The following UGT2A2 variants were observed in gnomAD, a reference collection of about 807,000 sequenced individuals.
The protein encoded by UGT2A2 is UDP-glucuronosyltransferase 2A2.
In UGT2A2, 60 loss-of-function variants were observed where a neutral mutation model predicts 50.7. The observed-to-expected ratio is 1.18, with a 90% CI of 0.96 to 1.47. The LOEUF (loss-of-function observed/expected upper bound fraction) is 1.47. UGT2A2 is among the 40% of genes most tolerant of loss of function. The probability of loss-of-function intolerance (pLI) is 0.00; values close to 1 mark genes in which losing one functional copy is unlikely to be tolerated. For missense variants in UGT2A2, 762 were observed against 634.0 expected (o/e 1.20, Z -2.17); for synonymous variants, 242 against 214.6 (o/e 1.13, Z -1.11).
intron 1 of UGT2A2, among the ~76,000 whole-genome samples, chr4:69,613,158 T>A (rs1720170448): frequency 6.6e-6 from 1 of 151,726 alleles, no homozygotes; most frequent in Non-Finnish European, 1.5e-5. Context: ...CAGAGAAATG[T>A]GAATCAAAAT....
At chr4:69,602,947 A>G (rs1009362301) in intron 1 of UGT2A2, among the ~76,000 whole-genome samples, 3 of 135,648 alleles carry the variant, frequency 2.2e-5, no homozygotes, top group Non-Finnish European at 4.7e-5. Flanking sequence ...AGGTGCCTGT[A>G]ATCCCAGATA....
In UGT2A2 at chr4:69,613,080, T is replaced by C. The variant is rs577492713; in HGVS notation, c.743-13686A>G. On this transcript the variant is annotated intron_variant, in intron 1 of 5. Transcript: ENST00000604629. ...AAAAAAGACAGGCAAAAGACATGAA[T>C]AGACACTTCACAAAAGAAGACATAC... 7.9e-5 allele frequency among the ~76,000 whole-genome samples: 12 copies of C among 151,736 alleles called. No homozygotes were observed. In the South Asian group the frequency reaches 2.1e-3, roughly 26 times the overall value.
chr4:69,639,098 C>A lies in UGT2A2; in HGVS notation c.543G>T (p.Arg181Ser). The A allele has an allele frequency of 6.2e-7, 1 of 1,613,386 alleles. No individual in the cohort carries two copies. Among genetic ancestry groups the A allele is most frequent in the Non-Finnish European group, 8.5e-7 (1 of 1,179,668 alleles). ...KLGIPFMYTL[R>S]FSPASTVERH... Reference sequence around the variant, plus strand: ...TCTCCACTGTTGATGCTGGAGAGAACCTCAATGTGTACATAAATGGAATTC... The same window carrying A: ...TCTCCACTGTTGATGCTGGAGAGAAACTCAATGTGTACATAAATGGAATTC... Residue 181 changes from arginine (R) to serine (S), a missense_variant, in exon 1 of 6, where the codon AGG (arginine) becomes AGT (serine). Arg to Ser is a moderately radical substitution (Grantham distance 110). Coordinates refer to ENST00000604629, the MANE Select transcript of UGT2A2 (RefSeq NM_001105677.2).
At position 69,606,200 on chromosome 4, in the gene UGT2A2, C is replaced by T. The variant is rs971501090; in HGVS notation, c.743-6806G>A. ...TAAAATACTGGCAAACCAAATCCAG[C>T]GGCACATCAAAAAGCTTACCCACCA... On this transcript the variant is annotated intron_variant, in intron 1 of 5. Coordinates refer to ENST00000604629, the MANE Select transcript of UGT2A2 (RefSeq NM_001105677.2). Among the ~76,000 whole-genome samples, 9 of 136,104 alleles carry T rather than the reference C, an allele frequency of 6.6e-5. 1 individual carries two copies. The highest frequency in any genetic ancestry group is 2.4e-4 in the South Asian group (1 of 4,104). The allele number at this position is 136,104 out of a possible 152,430, so 89.3% of individuals were successfully genotyped here.
Position 69,595,218 on chromosome 4 carries a change from G to A in UGT2A2, c.1055C>T (p.Ala352Val). The change falls in exon 4 of 6, where the codon GCC becomes GTC. Residue 352 changes from alanine to valine, a missense_variant. Coordinates refer to ENST00000604629, the MANE Select transcript of UGT2A2 (RefSeq NM_001105677.2). The stretch of plus-strand genomic sequence containing the variant: ...GAGCTGAGTATTGTTTCCTAATGTG[G>A]CTGGTTTCTTTCCTTTGTATCTCCA... ...VLWRYKGKKP[A>V]TLGNNTQLFD... 6.2e-7 allele frequency: 1 copy of A among 1,613,742 alleles called. No individual in the cohort carries two copies. Among genetic ancestry groups the A allele is most frequent in the Non-Finnish European group, 8.5e-7 (1 of 1,179,844 alleles).
chr4:69,636,823 A>T (rs914114408), intron 1 of UGT2A2, among the ~76,000 whole-genome samples: 2 of 152,120 alleles, frequency 1.3e-5, no homozygotes, highest in East Asian at 3.8e-4. Context: ...GATCCTCCTA[A>T]CGAATATAGT....
At position 69,589,535 on chromosome 4, in the gene UGT2A2, A is replaced by G. The variant is rs141510881; in HGVS notation, c.1448T>C (p.Leu483Pro). The change falls in exon 6 of 6, where the codon CTT becomes CCT. Residue 483 changes from leucine to proline, a missense_variant. Physicochemically the swap from Leu to Pro is moderately conservative, Grantham distance 98 (BLOSUM62 -3). Coordinates refer to ENST00000604629, the MANE Select transcript of UGT2A2 (RefSeq NM_001105677.2). The part of the protein sequence containing the change: ...FVMRHKGAKH[L>P]RVAAHDLTWF... ...GGTGAGGTCATGGGCTGCAACCCGA[A>G]GGTGCTTGGCTCCTTTGTGGCGCAT... The G allele has an allele frequency of 3.5e-5, 56 of 1,614,112 alleles. No homozygotes were observed. The African/African-American group carries it at 7.2e-4, about 21-fold the overall frequency.
At chr4:69,591,920 C>T (rs1718616019) in intron 5 of UGT2A2, among the ~76,000 whole-genome samples, 1 of 152,122 alleles carries the variant, frequency 6.6e-6, no homozygotes, top group South Asian at 2.1e-4. Context: ...TCCTAACCCA[C>T]CACTTAGCTC....
chr4:69,603,893 G>A (rs979494785), intron 1 of UGT2A2, among the ~76,000 whole-genome samples: 1 of 136,210 alleles, frequency 7.3e-6, no homozygotes, highest in South Asian at 2.4e-4. Context: ...AACGAACAAA[G>A]CCTCCAAGAA....
chr4:69,626,136 T>G (rs931514395), intron 1 of UGT2A2, among the ~76,000 whole-genome samples: 12 of 151,538 alleles, frequency 7.9e-5, no homozygotes, highest in Non-Finnish European at 3.0e-5. Flanking sequence ...GATTTTACCT[T>G]GTTGGATACT....
intron 1 of UGT2A2, among the ~76,000 whole-genome samples, chr4:69,611,298 C>CTTTTTTTTTTTTTTTTTT (rs1287210111): frequency 3.5e-4 from 52 of 149,488 alleles, no homozygotes; most frequent in Middle Eastern, 3.5e-3. Flanking sequence ...TCCAGCTATT[C>CTTTTTTTTTTTTTTTTTT]TTAATGCTAT....
At chr4:69,634,608 T>G (rs575728898) in intron 1 of UGT2A2, among the ~76,000 whole-genome samples, 3 of 152,184 alleles carry the variant, frequency 2.0e-5, no homozygotes, top group African/African-American at 7.2e-5. Flanking sequence ...AAAAGTTGAT[T>G]TAACAACTGA....
chr4:69,593,691 T>C (rs917884357), intron 5 of UGT2A2, among the ~76,000 whole-genome samples: 4 of 151,770 alleles, frequency 2.6e-5, no homozygotes, highest in Middle Eastern at 3.3e-3. Flanking sequence ...CAAATCAATA[T>C]TTAAAAAATT....
chr4:69,589,683 C>T (rs760973572), intron 5 of UGT2A2, 32 bp from the exon 6 acceptor site: 2 of 1,564,464 alleles, frequency 1.3e-6, no homozygotes, highest in South Asian at 2.4e-5. Flanking sequence ...AGAAATTAGA[C>T]AATTTTTGTT....
chr4:69,629,671 A>G (rs1308302426), intron 1 of UGT2A2, among the ~76,000 whole-genome samples: 1 of 152,082 alleles, frequency 6.6e-6, no homozygotes, highest in African/African-American at 2.4e-5. Context: ...TAGGAATATT[A>G]AATAAATCCT....
At chr4:69,629,363 A>T (rs893714488) in intron 1 of UGT2A2, among the ~76,000 whole-genome samples, 1 of 152,092 alleles carries the variant, frequency 6.6e-6, no homozygotes. Context: ...TATATTCAAG[A>T]GGGGCTCATA....
Position 69,589,170 on chromosome 4 carries a change from A to G in UGT2A2, c.*202T>C. 1.7e-6 allele frequency: 1 copy of G among 587,618 alleles called. No individual in the cohort carries two copies. The highest frequency in any genetic ancestry group is 4.6e-5 in the South Asian group (1 of 21,746). The allele number at this position is 587,618 out of a possible 1,614,324, so 36.4% of individuals were successfully genotyped here. A position where few individuals can be genotyped will look rare whatever the true frequency, so the allele number is the denominator to read the frequency against. ...CAGGGAGAGACAAAGGAAAAATAGA[A>G]GACTATAACTCACAAGTTAATAATA... is the stretch of plus-strand genomic sequence containing the variant. On this transcript the variant is annotated 3_prime_UTR_variant, in exon 6 of 6. Transcript: ENST00000604629.
At chr4:69,595,611 C>G in intron 3 of UGT2A2, among the ~76,000 whole-genome samples, 1 of 151,792 alleles carries the variant, frequency 6.6e-6, no homozygotes, top group African/African-American at 2.4e-5. Flanking sequence ...TATAAAGAGT[C>G]CTAGGATGTG....
intron 1 of UGT2A2, among the ~76,000 whole-genome samples, chr4:69,606,487 G>T (rs1719626176): frequency 7.3e-6 from 1 of 136,228 alleles, no homozygotes; most frequent in Non-Finnish European, 1.6e-5. Context: ...ACAAAAACTG[G>T]AAGTATTCCC....
Sources: gnomAD v4.1 joint callset for allele counts (sites outside exome capture counted in the v4.1 genomes callset) on GRCh38, gnomAD v4.1.1 for gene constraint, MANE v1.5 for transcripts, NCBI Gene and HGNC (gene_info 2026-07-23, HGNC 2026-07-21) for gene names.